Variants in LYPLAL1 observed in about 807,000 individuals in gnomAD.
LYPLAL1 encodes lysophospholipase like 1.
A neutral mutation model predicts 19.7 loss-of-function variants in LYPLAL1; 23 were observed. That is an observed-to-expected ratio of 1.17 (90% CI 0.84 to 1.65). The LOEUF (loss-of-function observed/expected upper bound fraction) is 1.65. Among genes scored for constraint, LYPLAL1 ranks in the 40% most tolerant of loss-of-function variants. LYPLAL1 has a pLI of 0.00. For missense variants in LYPLAL1, 355 were observed against 279.4 expected, an observed-to-expected ratio of 1.27 and a Z score of -1.93; for synonymous variants, 119 against 96.3, an observed-to-expected ratio of 1.24 and a Z score of -1.38.
chr1:219,202,940 T>C (rs1263616743), intron 3 of LYPLAL1, among the ~76,000 whole-genome samples: 2 of 152,008 alleles, frequency 1.3e-5, no homozygotes, highest in Non-Finnish European at 2.9e-5. Flanking sequence ...TCTGCTTCAG[T>C]CTCCCAGAGT....
At chr1:219,376,742 C>T in the LYPLAL1 span, among the ~76,000 whole-genome samples, 5 of 152,052 alleles carry the variant, frequency 3.3e-5, no homozygotes, top group Non-Finnish European at 7.4e-5. Flanking sequence ...TATGGAAATG[C>T]AAATCAAAAC....
the LYPLAL1 span, among the ~76,000 whole-genome samples, chr1:219,300,770 C>T: frequency 2.0e-5 from 3 of 151,708 alleles, no homozygotes; most frequent in African/African-American, 4.8e-5. Context: ...CTCCTGACCT[C>T]GGGATCCGCC....
intron 2 of LYPLAL1, 109 bp downstream of exon 2, chr1:219,179,355 TTTAAA>T (rs1656078204): frequency 2.5e-6 from 2 of 800,366 alleles, no homozygotes; most frequent in Non-Finnish European, 2.0e-6. Context: ...TTTAACATAC[TTTAAA>T]TTAGAGTACT....
At chr1:219,433,087 A>C in the LYPLAL1 span, among the ~76,000 whole-genome samples, 6 of 152,182 alleles carry the variant, frequency 3.9e-5, no homozygotes, top group African/African-American at 1.4e-4. Context: ...TACTCCAGGG[A>C]TAACATGACC....
chr1:219,305,005 A>T, the LYPLAL1 span, among the ~76,000 whole-genome samples: 1 of 152,192 alleles, frequency 6.6e-6, no homozygotes, highest in African/African-American at 2.4e-5. Flanking sequence ...TTGTCCTTGC[A>T]CAGGAGGACG....
chr1:219,207,327 A>C (rs866788340), intron 3 of LYPLAL1, among the ~76,000 whole-genome samples: 2 of 152,062 alleles, frequency 1.3e-5, no homozygotes, highest in African/African-American at 2.4e-5. Flanking sequence ...AAGAGCTTTT[A>C]AAAATTAGAC....
At chr1:219,334,331 C>T in the LYPLAL1 span, among the ~76,000 whole-genome samples, 1 of 151,830 alleles carries the variant, frequency 6.6e-6, no homozygotes, top group South Asian at 2.1e-4. Flanking sequence ...TGCAATTCTG[C>T]TCCCCATTTA....
the LYPLAL1 span, chr1:219,222,235 A>G: frequency 2.6e-5 from 4 of 152,166 alleles, no homozygotes; most frequent in Non-Finnish European, 5.9e-5. Flanking sequence ...GCAGTAAGCA[A>G]ACCACATTTC....
the LYPLAL1 span, among the ~76,000 whole-genome samples, chr1:219,441,581 T>C: frequency 6.6e-6 from 1 of 152,206 alleles, no homozygotes. Flanking sequence ...GAATAGCTAA[T>C]AGAGTATTAG....
At chr1:219,180,490 T>A (rs1656188159) in intron 2 of LYPLAL1, among the ~76,000 whole-genome samples, 1 of 152,188 alleles carries the variant, frequency 6.6e-6, no homozygotes, top group Admixed American at 6.5e-5. Context: ...GAGTTATTAT[T>A]TAAATGTAAT....
downstream of LYPLAL1, among the ~76,000 whole-genome samples, chr1:219,216,934 G>C (rs1659311515): frequency 6.6e-6 from 1 of 152,094 alleles, no homozygotes; most frequent in Non-Finnish European, 1.5e-5. Flanking sequence ...CATATATGTA[G>C]TACAGCTTTC....
chr1:219,330,280 C>T, the LYPLAL1 span, among the ~76,000 whole-genome samples: 4 of 152,224 alleles, frequency 2.6e-5, no homozygotes, highest in Non-Finnish European at 4.4e-5. Context: ...TTCATGTTGA[C>T]ATAACCTATA....
the LYPLAL1 span, among the ~76,000 whole-genome samples, chr1:219,241,134 C>CTCTCTCTATATATATATATATATATATA: frequency 1.1e-4 from 5 of 44,362 alleles, no homozygotes; most frequent in Non-Finnish European, 2.1e-4. Flanking sequence ...CTCTCTCTCT[C>CTCTCTCTATATATATATATATATATATA]TATATATATA....
chr1:219,437,660 T>C, the LYPLAL1 span, among the ~76,000 whole-genome samples: 41 of 152,246 alleles, frequency 2.7e-4, no homozygotes, highest in South Asian at 8.5e-3. Context: ...GTACAATCTT[T>C]TATTCTATTG....
chr1:219,228,483 A>G, the LYPLAL1 span, among the ~76,000 whole-genome samples: 2 of 152,028 alleles, frequency 1.3e-5, no homozygotes, highest in South Asian at 2.1e-4. Context: ...AAATGTTGCT[A>G]TGTCTTATCT....
chr1:219,432,675 G>A, the LYPLAL1 span, among the ~76,000 whole-genome samples: 1 of 152,162 alleles, frequency 6.6e-6, no homozygotes, highest in East Asian at 1.9e-4. Context: ...TGGGAAAGCA[G>A]GAATTAAAGG....
rs1377200882 is a variant in LYPLAL1 at position 219,211,508 on chromosome 1, A to G, written c.494A>G (p.Asn165Ser). The G allele has an allele frequency of 4.4e-6, 7 of 1,607,304 alleles. No homozygotes were observed. The highest frequency in any genetic ancestry group is 5.1e-6 in the Non-Finnish European group (6 of 1,175,014). ...SAVYQALQKS[N>S]GVLPELFQCH... ...CTTCTCTAGGCTCTTCAGAAGAGTA[A>G]TGGTGTACTTCCTGAATTATTTCAG... is the stretch of plus-strand genomic sequence containing the variant. Residue 165 changes from asparagine (N) to serine (S), a missense_variant, in exon 5 of 5, where the codon AAT (asparagine) becomes AGT (serine). Coordinates refer to ENST00000366928, the MANE Select transcript of LYPLAL1 (RefSeq NM_138794.5).
the LYPLAL1 span, among the ~76,000 whole-genome samples, chr1:219,276,578 T>G: frequency 6.6e-6 from 1 of 152,212 alleles, no homozygotes; most frequent in Admixed American, 6.5e-5. Flanking sequence ...TCATGTGGCA[T>G]AGCTTTTTGC....
At chr1:219,254,188 G>A in the LYPLAL1 span, among the ~76,000 whole-genome samples, 2 of 151,932 alleles carry the variant, frequency 1.3e-5, no homozygotes, top group Non-Finnish European at 2.9e-5. Context: ...GTTTGAGACG[G>A]ATCTCTTGAA....
Sources: allele counts gnomAD v4.1 joint callset (sites outside exome capture counted in the v4.1 genomes callset), GRCh38; gene constraint gnomAD v4.1.1; transcripts MANE v1.5; gene names NCBI Gene and HGNC (gene_info 2026-07-23, HGNC 2026-07-21).